Variants in TRPM3 observed in about 807,000 individuals in gnomAD.
TRPM3 encodes the protein long transient receptor potential channel 3.
A neutral mutation model predicts 181.2 loss-of-function variants in TRPM3; 77 were observed. The observed-to-expected ratio is 0.42, with a 90% confidence interval of 0.35 to 0.51. TRPM3 has a LOEUF of 0.51. Among genes scored for constraint, TRPM3 ranks in the 20% least tolerant of loss-of-function variants. The pLI is 0.01. For missense variants in TRPM3, 1,759 were observed against 2,196.7 expected (o/e 0.80, Z 3.98); for synonymous variants, 745 against 796.4 (o/e 0.94, Z 1.09).
At chr9:71,120,213 G>A (rs185668157) in intron 1 of TRPM3, among the ~76,000 whole-genome samples, 11 of 152,288 alleles carry the variant, frequency 7.2e-5, no homozygotes, top group East Asian at 3.9e-4. Context: ...TAAATCAAAA[G>A]AGCATACATA....
chr9:71,008,983 A>C (rs951942628), intron 1 of TRPM3, among the ~76,000 whole-genome samples: 15 of 152,250 alleles, frequency 9.9e-5, no homozygotes, highest in African/African-American at 3.6e-4. Context: ...GATTATTTCA[A>C]TAGAATTGTT....
intron 1 of TRPM3, among the ~76,000 whole-genome samples, chr9:71,321,484 A>G (rs2089218170): frequency 6.6e-6 from 1 of 152,194 alleles, no homozygotes; most frequent in Admixed American, 6.6e-5. Context: ...CTATGAATAT[A>G]CATAAATATC....
intron 8 of TRPM3, among the ~76,000 whole-genome samples, chr9:70,693,227 T>A (rs941895065): frequency 1.7e-4 from 26 of 152,338 alleles, no homozygotes; most frequent in African/African-American, 5.5e-4. Context: ...CTGTGTAATG[T>A]ACCTCACTAG....
intron 1 of TRPM3, among the ~76,000 whole-genome samples, chr9:70,963,401 T>G (rs1160391441): frequency 2.0e-5 from 3 of 152,050 alleles, no homozygotes; most frequent in Non-Finnish European, 2.9e-5. Context: ...ACAAATATAG[T>G]TTTTAAAGAG....
intron 1 of TRPM3, among the ~76,000 whole-genome samples, chr9:71,210,739 G>T (rs2079441505): frequency 6.6e-6 from 1 of 152,180 alleles, no homozygotes; most frequent in African/African-American, 2.4e-5. Context: ...AAACACCATG[G>T]ATTGGATGGC....
In TRPM3 at chr9:71,161,488, G is replaced by A. The variant is rs577807165; in HGVS notation, c.183+285165C>T. 2.6e-5 allele frequency among the ~76,000 whole-genome samples: 4 copies of A among 152,268 alleles called. No homozygotes were observed. The South Asian group carries it at 6.2e-4, about 24-fold the overall frequency. ...GAACTCCAAGAAGATTAAGAAACATGCACCTTACTTCCTGATATCTGTTGT... is the reference window on the plus strand; with the variant it reads ...GAACTCCAAGAAGATTAAGAAACATACACCTTACTTCCTGATATCTGTTGT... On this transcript the variant is annotated intron_variant, in intron 1 of 24. Coordinates refer to the TRPM3 transcript ENST00000357533.
At chr9:70,858,891 T>C (rs2095452830) in intron 3 of TRPM3, among the ~76,000 whole-genome samples, 1 of 152,126 alleles carries the variant, frequency 6.6e-6, no homozygotes. Context: ...TCACAGGTGG[T>C]CCCTGGTCCT....
At chr9:71,001,406 T>C (rs766210968) in intron 1 of TRPM3, among the ~76,000 whole-genome samples, 34 of 152,232 alleles carry the variant, frequency 2.2e-4, no homozygotes, top group Non-Finnish European at 4.4e-4. Context: ...GTTCTTTCTA[T>C]GAAGGTCATT....
At position 70,701,326 on chromosome 9, in the gene TRPM3, G is replaced by C. The variant is rs537183619; in HGVS notation, c.1273-19748C>G. 5.9e-5 allele frequency among the ~76,000 whole-genome samples: 9 copies of C among 152,268 alleles called. No individual in the cohort carries two copies. The South Asian group carries it at 1.9e-3, about 32-fold the overall frequency. ...TCAATGGCCCCGGACTGCTCACAGG[G>C]AGAGTTCACGTGTCTGCTATTTATA... On this transcript the variant is annotated intron_variant, in intron 8 of 25. Coordinates refer to ENST00000677713, the MANE Select transcript of TRPM3 (RefSeq NM_001366145.2).
intron 1 of TRPM3, among the ~76,000 whole-genome samples, chr9:71,278,693 C>A (rs190681584): frequency 1.7e-4 from 26 of 149,992 alleles, no homozygotes; most frequent in African/African-American, 6.0e-4. Context: ...GTTTGATGGA[C>A]AGAAACAGTA....
chr9:70,898,025 G>T (rs533401323), intron 1 of TRPM3, among the ~76,000 whole-genome samples: 1 of 151,942 alleles, frequency 6.6e-6, no homozygotes, highest in Non-Finnish European at 1.5e-5. Context: ...TAACATCCCC[G>T]ACCAGTGATA....
chr9:70,566,711 C>A (rs1343304461), intron 22 of TRPM3, among the ~76,000 whole-genome samples: 1 of 152,118 alleles, frequency 6.6e-6, no homozygotes, highest in Non-Finnish European at 1.5e-5. Context: ...CCCTGCTGTA[C>A]CTAGTTGGGG....
At chr9:70,575,417 T>G (rs11142490) in intron 22 of TRPM3, among the ~76,000 whole-genome samples, 9,021 of 152,228 alleles carry the variant, frequency 0.059, 304 homozygotes, top group African/African-American at 0.079. Flanking sequence ...TTTGACACTG[T>G]GCTGTTTGTT....
At chr9:70,794,821 T>C (rs1364902950) in intron 6 of TRPM3, among the ~76,000 whole-genome samples, 1 of 152,180 alleles carries the variant, frequency 6.6e-6, no homozygotes, top group Non-Finnish European at 1.5e-5. Context: ...GCTGGAGCCA[T>C]TCACATCCTA....
chr9:71,133,253 AT>A (rs1331745921), intron 1 of TRPM3, among the ~76,000 whole-genome samples: 4 of 122,316 alleles, frequency 3.3e-5, no homozygotes, highest in Admixed American at 1.7e-4. Flanking sequence ...ATAAAGCTCC[AT>A]TTTTCCTGTG....
chr9:71,097,524 T>C (rs1427355758), intron 1 of TRPM3, among the ~76,000 whole-genome samples: 8 of 152,106 alleles, frequency 5.3e-5, no homozygotes, highest in Admixed American at 5.2e-4. Flanking sequence ...AACTTACTTA[T>C]CACAGAGAAC....
At chr9:70,772,322 A>T (rs371170342) in intron 7 of TRPM3, among the ~76,000 whole-genome samples, 3 of 148,362 alleles carry the variant, frequency 2.0e-5, no homozygotes, top group Non-Finnish European at 3.0e-5. Context: ...CACAGAGAGT[A>T]TTTTTTTTTT....
At chr9:71,265,759 A>C (rs752615474) in intron 1 of TRPM3, among the ~76,000 whole-genome samples, 18 of 152,224 alleles carry the variant, frequency 1.2e-4, no homozygotes, top group Non-Finnish European at 2.4e-4. Context: ...TTGTATGTTT[A>C]CATTTTCCTT....
At chr9:71,307,137 T>C (rs1203364212) in intron 1 of TRPM3, among the ~76,000 whole-genome samples, 1 of 152,212 alleles carries the variant, frequency 6.6e-6, no homozygotes, top group African/African-American at 2.4e-5. Flanking sequence ...GATTACTGGG[T>C]CAAAGGCCAT....
Sources: allele counts gnomAD v4.1 joint callset (sites outside exome capture counted in the v4.1 genomes callset), GRCh38; gene constraint gnomAD v4.1.1; transcripts MANE v1.5; gene names NCBI Gene and HGNC (gene_info 2026-07-23, HGNC 2026-07-21).